Variants in STRN3 observed in about 807,000 individuals in gnomAD.
The protein encoded by STRN3 is striatin-3.
Under a neutral mutation model 95.6 loss-of-function variants are expected in STRN3, and 29 were observed. That is an observed-to-expected ratio of 0.30 (90% CI 0.23 to 0.41). STRN3 has a LOEUF of 0.41. Ranked by LOEUF, STRN3 falls within the 10% of genes least tolerant of loss-of-function variation. The pLI is 1.00. For synonymous variants in STRN3, 331 were observed against 357.6 expected (o/e 0.93, Z 0.84); for missense variants, 890 against 972.1 (o/e 0.92, Z 1.12).
chr14:30,977,181 G>C (rs1262770439), intron 1 of STRN3, among the ~76,000 whole-genome samples: 4 of 151,902 alleles, frequency 2.6e-5, no homozygotes, highest in African/African-American at 9.7e-5. Flanking sequence ...AGCAGATATC[G>C]TGCCAGTGCA....
In STRN3 at chr14:30,913,556, T is replaced by C; in HGVS notation, c.1342A>G (p.Thr448Ala). ...CTATAGTCTGCATCATTTGTTACCGTCAAGTCTGCAAGGTCTCCAAGGCCC... is the reference window on the plus strand; with the variant it reads ...CTATAGTCTGCATCATTTGTTACCGCCAAGTCTGCAAGGTCTCCAAGGCCC... ...VLGLGDLADLTVTNDADYSYD... is the reference protein window; with the variant it reads ...VLGLGDLADLAVTNDADYSYD... Residue 448 changes from threonine to alanine, a missense_variant, in exon 10 of 18, where the codon ACG becomes GCG. Physicochemically the swap from Thr to Ala is moderately conservative, Grantham distance 58 (BLOSUM62 0). Transcript: ENST00000357479. The C allele has an allele frequency of 6.2e-7, 1 of 1,613,128 alleles. No homozygotes were observed. The highest frequency in any genetic ancestry group is 8.5e-7 in the Non-Finnish European group (1 of 1,179,438).
chr14:30,994,263 T>C (rs1488261121), intron 1 of STRN3, among the ~76,000 whole-genome samples: 2 of 152,158 alleles, frequency 1.3e-5, no homozygotes, highest in African/African-American at 4.8e-5. Context: ...AGTTCTAGGA[T>C]TACAGGCATG....
intron 1 of STRN3, among the ~76,000 whole-genome samples, chr14:30,961,323 G>A (rs1436075176): frequency 6.6e-6 from 1 of 152,052 alleles, no homozygotes; most frequent in Non-Finnish European, 1.5e-5. Flanking sequence ...TTTTAAAAAA[G>A]ACAAGAGACA....
chr14:30,912,127 C>T lies in STRN3; in HGVS notation c.1430G>A (p.Arg477His), dbSNP rs745742576. 5.5e-5 allele frequency: 89 copies of T among 1,613,910 alleles called. No individual in the cohort carries two copies. Among genetic ancestry groups the T allele is most frequent in the Non-Finnish European group, 7.3e-5 (86 of 1,179,998 alleles). Residue 477 changes from arginine (R) to histidine (H), a missense_variant, in exon 11 of 18, where the codon CGT becomes CAT. Physicochemically the swap from Arg to His is conservative, Grantham distance 29 (BLOSUM62 0). This residue lies in a region of STRN3 where 357 missense variants were observed against 422.8 expected (regional missense o/e 0.84). Transcript: ENST00000357479. ...RKTWNPKYTL[R>H]SHFDGVRALA... is the part of the protein sequence containing the mutation. ...TGCCCGTACTCCATCAAAATGGCTA[C>T]GTAGTGTATACTTGGGATTCCATGT...
chr14:30,993,109 A>G (rs939815033), intron 1 of STRN3, among the ~76,000 whole-genome samples: 12 of 152,200 alleles, frequency 7.9e-5, no homozygotes, highest in Non-Finnish European at 1.3e-4. Flanking sequence ...TACAAAAAAT[A>G]AACTAGCCAG....
chr14:30,917,783 A>T (rs889726847), intron 9 of STRN3, among the ~76,000 whole-genome samples: 7 of 152,198 alleles, frequency 4.6e-5, no homozygotes, highest in African/African-American at 1.4e-4. Context: ...AACTGTAAGG[A>T]AACTGTGCCA....
At position 30,912,111 on chromosome 14, in the gene STRN3, T is replaced by G. The variant is rs1274158618; in HGVS notation, c.1446A>C (p.Gly482=). 1 of 1,614,168 alleles carries G rather than the reference T, an allele frequency of 6.2e-7. No individual in the cohort carries two copies. The change falls in exon 11 of 18, where the codon GGA becomes GGC. Residue 482 remains glycine (G), a synonymous_variant. Coordinates refer to ENST00000357479, the MANE Select transcript of STRN3 (RefSeq NM_001083893.2). ...CAGGATGAAAAGCTAATGCCCGTAC[T>G]CCATCAAAATGGCTACGTAGTGTAT... is the stretch of plus-strand genomic sequence containing the variant. ...PKYTLRSHFD[G]VRALAFHPVE...
intron 1 of STRN3, among the ~76,000 whole-genome samples, chr14:30,982,928 C>G (rs1244719923): frequency 6.6e-6 from 1 of 152,024 alleles, no homozygotes; most frequent in East Asian, 1.9e-4. Context: ...TAATAATAAA[C>G]CTACACATGT....
rs1340467553 is a variant in STRN3 at position 30,894,168 on chromosome 14, ACAG to A, written c.*1240_*1242del. On this transcript the variant is annotated 3_prime_UTR_variant, in exon 18 of 18. Coordinates refer to ENST00000357479, the MANE Select transcript of STRN3 (RefSeq NM_001083893.2). ...TAAAACAGGGATAACTAGTCAAAAC[ACAG>A]CAGATTTCTGTATCCTGATTCAACT... The A allele has an allele frequency of 1.3e-5, 2 of 152,394 alleles. No homozygotes were observed. Among genetic ancestry groups the A allele is most frequent in the Non-Finnish European group, 2.9e-5 (2 of 67,886 alleles). The allele number at this position is 152,394 out of a possible 1,614,324, so 9.4% of individuals were successfully genotyped here.
intron 1 of STRN3, among the ~76,000 whole-genome samples, chr14:30,957,239 G>A (rs1879958153): frequency 6.6e-6 from 1 of 152,112 alleles, no homozygotes; most frequent in South Asian, 2.1e-4. Context: ...TGGATCACGA[G>A]GTCAGGAGAT....
chr14:30,981,528 G>C (rs527654937), intron 1 of STRN3, among the ~76,000 whole-genome samples: 1 of 151,110 alleles, frequency 6.6e-6, no homozygotes, highest in South Asian at 2.1e-4. Context: ...TATCACACAA[G>C]AGTTTCAAAA....
At chr14:30,984,146 C>G (rs903567420) in intron 1 of STRN3, among the ~76,000 whole-genome samples, 1 of 137,424 alleles carries the variant, frequency 7.3e-6, no homozygotes, top group African/African-American at 2.7e-5. Context: ...AACCCCCCCC[C>G]ACACACAAAG....
At chr14:30,962,519 A>G (rs1049510267) in intron 1 of STRN3, among the ~76,000 whole-genome samples, 1 of 152,066 alleles carries the variant, frequency 6.6e-6, no homozygotes, top group Admixed American at 6.6e-5. Flanking sequence ...AGTGCCCTAC[A>G]CAGTTATACC....
At chr14:30,915,305 G>C (rs1334756192) in intron 9 of STRN3, among the ~76,000 whole-genome samples, 2 of 152,018 alleles carry the variant, frequency 1.3e-5, no homozygotes, top group Non-Finnish European at 2.9e-5. Context: ...AAATTCAACT[G>C]TACTTAGAAT....
chr14:31,022,762 T>C lies in STRN3; in HGVS notation c.282+3142A>G, dbSNP rs79299004. ...GGTTCAAATCTCAGCTGCAATACTTTATGGCTAGGTGACCTTGGCAAAATG... is the reference window on the plus strand; with the variant it reads ...GGTTCAAATCTCAGCTGCAATACTTCATGGCTAGGTGACCTTGGCAAAATG... On this transcript the variant is annotated intron_variant, in intron 1 of 17. Coordinates refer to ENST00000357479, the MANE Select transcript of STRN3 (RefSeq NM_001083893.2). Among the ~76,000 whole-genome samples the C allele has an allele frequency of 2.9e-3, 447 of 152,230 alleles. 2 individuals carry two copies. Among genetic ancestry groups the C allele is most frequent in the African/African-American group, 0.01 (426 of 41,530 alleles).
At chr14:30,984,044 A>G (rs945654612) in intron 1 of STRN3, among the ~76,000 whole-genome samples, 4 of 151,712 alleles carry the variant, frequency 2.6e-5, no homozygotes, top group Non-Finnish European at 2.9e-5. Context: ...AACAACAACA[A>G]AAAGGATGTC....
At chr14:31,014,410 C>G (rs1380472793) in intron 1 of STRN3, among the ~76,000 whole-genome samples, 1 of 151,860 alleles carries the variant, frequency 6.6e-6, no homozygotes, top group Non-Finnish European at 1.5e-5. Context: ...TTAGTAAAGA[C>G]GGGGTTTCAC....
intron 2 of STRN3, 117 bp downstream of exon 2, chr14:30,956,022 T>C: frequency 1.3e-6 from 1 of 743,484 alleles, no homozygotes; most frequent in Non-Finnish European, 2.2e-6. Flanking sequence ...GACAGCATCA[T>C]GTATTCGGGC....
At chr14:30,970,555 G>A (rs1389419947) in intron 1 of STRN3, among the ~76,000 whole-genome samples, 4 of 152,130 alleles carry the variant, frequency 2.6e-5, no homozygotes, top group Non-Finnish European at 4.4e-5. Context: ...CCTTCTTTAT[G>A]CCAGTTTTAT....
Sources: gnomAD v4.1 joint callset for allele counts (sites outside exome capture counted in the v4.1 genomes callset) on GRCh38, gnomAD v4.1.1 for gene constraint, gnomAD v4.1.1 regional missense constraint, MANE v1.5 for transcripts, NCBI Gene and HGNC (gene_info 2026-07-23, HGNC 2026-07-21) for gene names.